The following KANSL1L variants were observed in gnomAD, a reference collection of about 807,000 sequenced individuals.
KANSL1L encodes KAT8 regulatory NSL complex subunit 1 like.
In KANSL1L, 25 loss-of-function variants were observed where a neutral mutation model predicts 108.6. The observed-to-expected ratio is 0.23, with a 90% CI of 0.17 to 0.32. The LOEUF is 0.32. Among genes scored for constraint, KANSL1L ranks in the 10% least tolerant of loss-of-function variants. The pLI is 1.00. For missense variants in KANSL1L, 1,137 were observed against 1,125.7 expected (o/e 1.01, Z -0.14); for synonymous variants, 405 against 395.1 (o/e 1.03, Z -0.30).
At chr2:210,035,767 C>G (rs913863383) in intron 8 of KANSL1L, among the ~76,000 whole-genome samples, 1 of 152,228 alleles carries the variant, frequency 6.6e-6, no homozygotes, top group African/African-American at 2.4e-5. Context: ...GCGTGAGCCA[C>G]TGTGCCTGGC....
chr2:210,042,633 C>T (rs570560535), intron 7 of KANSL1L, among the ~76,000 whole-genome samples: 6 of 152,170 alleles, frequency 3.9e-5, no homozygotes, highest in Admixed American at 2.6e-4. Context: ...TATCTATTCT[C>T]ATGGAGTTGT....
chr2:210,100,781 G>T (rs1316438946), intron 4 of KANSL1L, among the ~76,000 whole-genome samples: 1 of 152,142 alleles, frequency 6.6e-6, no homozygotes, highest in South Asian at 2.1e-4. Context: ...AGGACTACAG[G>T]TGTGTGCCAC....
chr2:210,043,829 C>A (rs2125193779), intron 7 of KANSL1L, 110 bp downstream of exon 7: 2 of 716,968 alleles, frequency 2.8e-6, no homozygotes, highest in Admixed American at 2.9e-5. Context: ...GTTCTAATAT[C>A]TACTGAAAAA....
At chr2:210,027,189 G>T in intron 12 of KANSL1L, 107 bp downstream of exon 12, 1 of 676,366 alleles carries the variant, frequency 1.5e-6, no homozygotes, top group Non-Finnish European at 2.6e-6. Flanking sequence ...AAAAAAATCA[G>T]TGTAAGTTAA....
rs2093860738 is a variant in KANSL1L, at chr2:210,021,810, C to A, written c.*1139G>T. 7 of 151,458 alleles carry A rather than the reference C, an allele frequency of 4.6e-5. No individual in the cohort carries two copies. In the South Asian group the frequency reaches 1.3e-3, roughly 27 times the overall value. The allele number at this position is 151,458 out of a possible 1,614,324, so 9.4% of individuals were successfully genotyped here. ...GTTTAATAGCTTCAAAAGGAATTTTCTTTCATGTATACTCTTCAGTATCCA... is the reference window on the plus strand; with the variant it reads ...GTTTAATAGCTTCAAAAGGAATTTTATTTCATGTATACTCTTCAGTATCCA... On this transcript the variant is annotated 3_prime_UTR_variant, in exon 15 of 15. Transcript: ENST00000281772.
chr2:210,119,275 T>A (rs1253903717), intron 3 of KANSL1L, among the ~76,000 whole-genome samples: 1 of 152,130 alleles, frequency 6.6e-6, no homozygotes, highest in Non-Finnish European at 1.5e-5. Context: ...AGAAGTAGTA[T>A]CAATCCTACT....
At position 210,098,150 on chromosome 2, in the gene KANSL1L, T is replaced by C; in HGVS notation, c.1486A>G (p.Thr496Ala). Residue 496 changes from threonine (T) to alanine (A), a missense_variant, in exon 5 of 15, where the codon ACT (threonine) becomes GCT (alanine). By Grantham distance (58) the Thr-to-Ala change is moderately conservative. Around this residue, in one of 3 missense-constraint regions of KANSL1L, gnomAD observed 575 missense variants for 567.1 expected, o/e 1.01. Coordinates refer to ENST00000281772, the MANE Select transcript of KANSL1L (RefSeq NM_152519.4). ...SLIAPLNLSPTSSPLSSKSCS... is the reference protein window; with the variant it reads ...SLIAPLNLSPASSPLSSKSCS... ...GATTTGGAAGAGAGGGGTGATGAAG[T>C]TGGGGACAAGTTGAGAGGGGCAATC... 2.5e-6 allele frequency: 4 copies of C among 1,612,402 alleles called. No homozygotes were observed. In the South Asian group the frequency reaches 3.3e-5, roughly 13 times the overall value.
At chr2:210,144,034 A>T (rs1034402811) in intron 2 of KANSL1L, among the ~76,000 whole-genome samples, 2 of 152,000 alleles carry the variant, frequency 1.3e-5, no homozygotes, top group African/African-American at 2.4e-5. Context: ...ACTTTCTCAG[A>T]TTTTGTATGT....
In KANSL1L at chr2:210,087,848, C is replaced by A. The variant is rs60854858; in HGVS notation, c.1550+10238G>T. Reference sequence around the variant, plus strand: ...AGATTGCCGTGCAGGATCAATACTACCAATTGGTCAATTTGGGATTGAACC... The same window carrying A: ...AGATTGCCGTGCAGGATCAATACTAACAATTGGTCAATTTGGGATTGAACC... On this transcript the variant is annotated intron_variant, in intron 5 of 14. Coordinates refer to ENST00000281772, the MANE Select transcript of KANSL1L (RefSeq NM_152519.4). Among the ~76,000 whole-genome samples, 258 of 152,236 alleles carry A rather than the reference C, an allele frequency of 1.7e-3. 1 individual carries two copies. The highest frequency in any genetic ancestry group is 6.0e-3 in the African/African-American group (248 of 41,538).
chr2:210,127,640 A>C (rs1189023733), intron 3 of KANSL1L, among the ~76,000 whole-genome samples: 1 of 151,770 alleles, frequency 6.6e-6, no homozygotes, highest in Non-Finnish European at 1.5e-5. Flanking sequence ...CTCTACAAAA[A>C]ATCAAAAACT....
chr2:210,170,110 A>G (rs1688245706), intron 1 of KANSL1L: 1 of 152,142 alleles, frequency 6.6e-6, no homozygotes, highest in African/African-American at 2.4e-5. Flanking sequence ...TTATTTTTAG[A>G]GTCATTTTTT....
chr2:210,142,789 A>G (rs1235223611), intron 2 of KANSL1L, among the ~76,000 whole-genome samples: 3 of 151,958 alleles, frequency 2.0e-5, no homozygotes, highest in Non-Finnish European at 4.4e-5. Context: ...CTGATTTCTA[A>G]TTTCATATGA....
chr2:210,151,425 A>C (rs2095303063), intron 2 of KANSL1L: 2 of 152,184 alleles, frequency 1.3e-5, no homozygotes, highest in South Asian at 2.1e-4. Flanking sequence ...CATTTTATTT[A>C]AATACTTCAC....
intron 5 of KANSL1L, chr2:210,088,309 A>T (rs966442842): frequency 2.0e-5 from 3 of 152,446 alleles, no homozygotes; most frequent in African/African-American, 7.2e-5. Flanking sequence ...GCAAGGTGAA[A>T]AGGGGTAACT....
intron 2 of KANSL1L, among the ~76,000 whole-genome samples, chr2:210,132,122 A>G (rs1419442817): frequency 1.3e-5 from 2 of 152,202 alleles, no homozygotes; most frequent in South Asian, 2.1e-4. Context: ...TTTTCTAAAA[A>G]AAATAAGATT....
At chr2:210,071,564 C>T (rs550756214) in intron 6 of KANSL1L, among the ~76,000 whole-genome samples, 7 of 152,092 alleles carry the variant, frequency 4.6e-5, no homozygotes, top group Non-Finnish European at 7.4e-5. Flanking sequence ...CTGCCATGCC[C>T]GACCAAAGTT....
At position 210,096,521 on chromosome 2, in the gene KANSL1L, C is replaced by A. The variant is rs1029638024; in HGVS notation, c.1550+1565G>T. 5 of 984,928 alleles carry A rather than the reference C, an allele frequency of 5.1e-6. No individual in the cohort carries two copies. In the East Asian group the frequency reaches 5.7e-4, roughly 112 times the overall value. The allele number at this position is 984,928 out of a possible 1,614,324, so 61.0% of individuals were successfully genotyped here. A position where few individuals can be genotyped will look rare whatever the true frequency, so the allele number is the denominator to read the frequency against. ...ATGAAAATTCACAAACACATGAACA[C>A]ACACATGTAACTATGTGTGTAACTG... On this transcript the variant is annotated intron_variant, in intron 5 of 14. Coordinates refer to ENST00000281772, the MANE Select transcript of KANSL1L (RefSeq NM_152519.4).
chr2:210,165,875 T>TA (rs1171402353), intron 1 of KANSL1L, among the ~76,000 whole-genome samples: 11 of 152,134 alleles, frequency 7.2e-5, no homozygotes, highest in Non-Finnish European at 1.5e-4. Context: ...GTGAGTACAG[T>TA]AAGGTAAGAT....
intron 2 of KANSL1L, among the ~76,000 whole-genome samples, chr2:210,150,854 C>T (rs941990872): frequency 2.0e-5 from 3 of 151,418 alleles, no homozygotes; most frequent in African/African-American, 4.9e-5. Context: ...GGTATCTACC[C>T]TTAATAGGGG....
Sources: gnomAD v4.1 joint callset for allele counts (sites outside exome capture counted in the v4.1 genomes callset) on GRCh38, gnomAD v4.1.1 for gene constraint, gnomAD v4.1.1 regional missense constraint, MANE v1.5 for transcripts, NCBI Gene and HGNC (gene_info 2026-07-23, HGNC 2026-07-21) for gene names.